The following IRF9 variants were observed in gnomAD, a reference collection of about 807,000 sequenced individuals.
The protein encoded by IRF9 is IFN-alpha-responsive transcription factor subunit.
In IRF9, 13 loss-of-function variants were observed where a neutral mutation model predicts 44.1. The observed-to-expected ratio is 0.29, with a 90% CI of 0.19 to 0.47. IRF9 has a LOEUF of 0.47. Ranked by LOEUF, IRF9 falls within the 20% of genes least tolerant of loss-of-function variation. The pLI, the probability that IRF9 is intolerant of heterozygous loss-of-function variation, is 1.00. For missense variants in IRF9, 373 were observed against 496.1 expected, an observed-to-expected ratio of 0.75 and a Z score of 2.36; for synonymous variants, 189 against 188.5, an observed-to-expected ratio of 1.00 and a Z score of -0.02.
intron 8 of IRF9, 40 bp from the exon 9 acceptor site, chr14:24,166,082 G>T: frequency 1.2e-6 from 2 of 1,603,358 alleles, no homozygotes. Context: ...TGTCCCTGAT[G>T]CACGCACTGA....
In IRF9 at chr14:24,164,572, T is replaced by C. The variant is rs1427558833; in HGVS notation, c.650-42T>C. 6.5e-7 allele frequency: 1 copy of C among 1,529,958 alleles called. No individual in the cohort carries two copies. Among genetic ancestry groups the C allele is most frequent in the African/African-American group, 1.4e-5 (1 of 73,132 alleles). 94.8% of individuals were successfully genotyped at this position (1,529,958 alleles called of 1,614,324 possible). A position where few individuals can be genotyped will look rare whatever the true frequency, so the allele number is the denominator to read the frequency against. On this transcript the variant is annotated intron_variant, in intron 6 of 8. Transcript: ENST00000396864. This position sits in a 1 kb window ranked among gnomAD's most constrained non-coding sequence, Gnocchi z 5.2. ...CCCTGGGGAGGGGCTGCTGCCAGCC[T>C]GCATGCTCCTCCAGCACCAGGTAGG...
chr14:24,163,528 C>T lies in IRF9; in HGVS notation c.495+20C>T, dbSNP rs368392366. ...AATAATGTAAGAGATGGAGAGGGAA[C>T]TGGGTGGGCCTAAGGGCAGGACAGT... On this transcript the variant is annotated intron_variant, in intron 4 of 8. Coordinates refer to ENST00000396864, the MANE Select transcript of IRF9 (RefSeq NM_006084.5). 1 of 1,611,936 alleles carries T rather than the reference C, an allele frequency of 6.2e-7. No homozygotes were observed. Among genetic ancestry groups the T allele is most frequent in the East Asian group, 2.2e-5 (1 of 44,868 alleles).
chr14:24,163,290 GC>G lies in IRF9; in HGVS notation c.365-85del, dbSNP rs2038482651. On this transcript the variant is annotated intron_variant, in intron 3 of 8. Coordinates refer to ENST00000396864, the MANE Select transcript of IRF9 (RefSeq NM_006084.5). Reference sequence around the variant, plus strand: ...AACCCAGGTTTCCCTTCCTAGACCTGCCCATCCTTCACTGCCTCAGACCTCT... The same window carrying G: ...AACCCAGGTTTCCCTTCCTAGACCTGCCATCCTTCACTGCCTCAGACCTCT... 2.6e-6 allele frequency: 4 copies of G among 1,557,474 alleles called. No homozygotes were observed. In the South Asian group the frequency reaches 3.6e-5, roughly 14 times the overall value.
rs796758580 is a variant in IRF9, at chr14:24,166,050, A to G, written c.1108-72A>G. ...GGCAAAGGGGGTCTCCCAGTGGGGA[A>G]GGAGCTCCTGGGGGTGGTGTCTGTC... On this transcript the variant is annotated intron_variant, in intron 8 of 8. Transcript: ENST00000396864. 1.3e-5 allele frequency: 18 copies of G among 1,363,654 alleles called. No homozygotes were observed. In the African/African-American group the frequency reaches 1.6e-4, roughly 12 times the overall value. 84.5% of individuals were successfully genotyped at this position (1,363,654 alleles called of 1,614,324 possible).
Position 24,165,183 on chromosome 14 carries a change from G to A in IRF9, c.991+228G>A, listed in dbSNP as rs753306475. The A allele has an allele frequency of 1.3e-4, 92 of 703,260 alleles. 1 individual carries two copies. Among genetic ancestry groups the A allele is most frequent in the South Asian group, 1.3e-3 (88 of 67,630 alleles). The allele number at this position is 703,260 out of a possible 1,614,324, so 43.6% of individuals were successfully genotyped here. A position where few individuals can be genotyped will look rare whatever the true frequency, so the allele number is the denominator to read the frequency against. ...CCAAGACAATGGAAGAGGTGGTTCA[G>A]GTAGAGCCCAGCACAAGAGTGTCAT... On this transcript the variant is annotated intron_variant, in intron 7 of 8. Transcript: ENST00000396864.
chr14:24,164,896 C>T lies in IRF9; in HGVS notation c.932C>T (p.Pro311Leu), dbSNP rs371047710. The T allele has an allele frequency of 1.9e-5, 31 of 1,612,660 alleles. No individual in the cohort carries two copies. The highest frequency in any genetic ancestry group is 2.2e-5 in the Non-Finnish European group (26 of 1,179,956). ...CCCCAGGCTCCACCTGGGCCAGGCCCGCATCTGCTGCCCAGCAACGAGTGC... is the reference window on the plus strand; with the variant it reads ...CCCCAGGCTCCACCTGGGCCAGGCCTGCATCTGCTGCCCAGCAACGAGTGC... ...NAPQAPPGPG[P>L]HLLPSNECVE... The change falls in exon 7 of 9, where the codon CCG (proline) becomes CTG (leucine). Residue 311 changes from proline (P) to leucine (L), a missense_variant. Around this residue, in one of 2 missense-constraint regions of IRF9, gnomAD observed 146 missense variants for 240.8 expected, o/e 0.61. Coordinates refer to ENST00000396864, the MANE Select transcript of IRF9 (RefSeq NM_006084.5). This position sits in a 1 kb window ranked among gnomAD's most constrained non-coding sequence, Gnocchi z 5.2.
Position 24,165,128 on chromosome 14 carries a change from C to T in IRF9, c.991+173C>T, listed in dbSNP as rs1448638185. 2.2e-5 allele frequency: 16 copies of T among 735,508 alleles called. No individual in the cohort carries two copies. The East Asian group carries it at 4.3e-4, about 20-fold the overall frequency. 45.6% of individuals were successfully genotyped at this position (735,508 alleles called of 1,614,324 possible). ...ATATCCTGTGTGGCCATATGCCCAG[C>T]CTGGCAGCTACCTGGCAGCTCTCCT... On this transcript the variant is annotated intron_variant, in intron 7 of 8. Coordinates refer to ENST00000396864, the MANE Select transcript of IRF9 (RefSeq NM_006084.5).
intron 2 of IRF9, chr14:24,162,688 T>G (rs1377639479): frequency 2.2e-6 from 1 of 448,570 alleles, no homozygotes; most frequent in Non-Finnish European, 4.0e-6. Flanking sequence ...TAGTCCCAGC[T>G]ACTCGGGAGA....
rs10139346 is a variant in IRF9, at chr14:24,162,252, C to T, written c.108C>T (p.Thr36=). ...TGTGCTGGGATGATACAGCTAAGACCATGTTCCGGATTCCCTGGAAACATG... is the reference window on the plus strand; with the variant it reads ...TGTGCTGGGATGATACAGCTAAGACTATGTTCCGGATTCCCTGGAAACATG... The part of the protein sequence containing the change: ...PGVCWDDTAK[T]MFRIPWKHAG... Residue 36 remains threonine (T), a synonymous_variant, in exon 2 of 9, where the codon ACC becomes ACT. Coordinates refer to ENST00000396864, the MANE Select transcript of IRF9 (RefSeq NM_006084.5). 3.0e-3 allele frequency: 4,816 copies of T among 1,614,146 alleles called. 127 individuals are homozygous for T. In the African/African-American group the frequency reaches 0.057, roughly 19 times the overall value.
chr14:24,164,753 C>T lies in IRF9; in HGVS notation c.789C>T (p.Gly263=), dbSNP rs1290490075. 2 of 1,611,760 alleles carry T rather than the reference C, an allele frequency of 1.2e-6. No individual in the cohort carries two copies. Among genetic ancestry groups the T allele is most frequent in the South Asian group, 1.1e-5 (1 of 91,064 alleles). The change falls in exon 7 of 9, where the codon GGC becomes GGT. Residue 263 remains glycine (G), a synonymous_variant. Transcript: ENST00000396864. The surrounding 1 kb of genome is among the most constrained non-coding windows in gnomAD (Gnocchi z 5.2). The part of the protein sequence containing the change: ...SMEQVLFPKP[G]PLEPTQRLLS... Reference sequence around the variant, plus strand: ...AGCAGGTGCTGTTCCCCAAGCCTGGCCCACTGGAGCCCACGCAGCGCCTGC... The same window carrying T: ...AGCAGGTGCTGTTCCCCAAGCCTGGTCCACTGGAGCCCACGCAGCGCCTGC...
At chr14:24,165,618 G>A in intron 7 of IRF9, 1 of 566,022 alleles carries the variant, frequency 1.8e-6, no homozygotes, top group Non-Finnish European at 3.2e-6. Context: ...AGCTTGTCGG[G>A]CTGTGCTGTG....
At position 24,164,066 on chromosome 14, in the gene IRF9, C is replaced by T. The variant is rs1400046248; in HGVS notation, c.581C>T (p.Thr194Ile). 1.2e-6 allele frequency: 2 copies of T among 1,614,138 alleles called. No homozygotes were observed. The highest frequency in any genetic ancestry group is 2.2e-5 in the East Asian group (1 of 44,886). The change falls in exon 6 of 9, where the codon ACA becomes ATA. Residue 194 changes from threonine to isoleucine, a missense_variant. This residue lies in a region of IRF9 where 227 missense variants were observed against 255.3 expected (regional missense o/e 0.89). Transcript: ENST00000396864. The surrounding 1 kb of genome is among the most constrained non-coding windows in gnomAD (Gnocchi z 5.2). ...SSSSPEPQEVTDTTEAPFQGD... is the reference protein window; with the variant it reads ...SSSSPEPQEVIDTTEAPFQGD... ...AGTGCCTTTGCTTCCCTTCCAGTTA[C>T]AGACACAACTGAGGCCCCCTTTCAA...
At position 24,166,143 on chromosome 14, in the gene IRF9, T is replaced by C. The variant is rs756999147; in HGVS notation, c.1129T>C (p.Tyr377His). The C allele has an allele frequency of 3.1e-6, 5 of 1,614,116 alleles. No homozygotes were observed. Among genetic ancestry groups the C allele is most frequent in the Admixed American group, 1.7e-5 (1 of 60,028 alleles). Residue 377 changes from tyrosine (Y) to histidine (H), a missense_variant, in exon 9 of 9, where the codon TAC becomes CAC. Transcript: ENST00000396864. ...ACAGATGGAGCAGGCCTTTGCCCGA[T>C]ACTTGCTGGAGCAGACTCCAGAGCA... ...TVKMEQAFAR[Y>H]LLEQTPEQQA...
Position 24,163,470 on chromosome 14 carries a change from A to G in IRF9, c.457A>G (p.Thr153Ala). ...KEEEDAMQNC[T>A]LSPSVLQDSL... ...GGAAGAGGATGCCATGCAGAACTGC[A>G]CACTCAGTCCCTCTGTGCTCCAGGA... Residue 153 changes from threonine to alanine, a missense_variant, in exon 4 of 9, where the codon ACA (threonine) becomes GCA (alanine). Thr to Ala is a moderately conservative substitution (Grantham distance 58, BLOSUM62 0). Around this residue, in one of 2 missense-constraint regions of IRF9, gnomAD observed 227 missense variants for 255.3 expected, o/e 0.89. Transcript: ENST00000396864. 1.2e-6 allele frequency: 2 copies of G among 1,614,232 alleles called. No individual in the cohort carries two copies. The highest frequency in any genetic ancestry group is 2.2e-5 in the East Asian group (1 of 44,888).
intron 1 of IRF9, among the ~76,000 whole-genome samples, chr14:24,161,856 T>C (rs771988628): frequency 2.6e-5 from 4 of 152,198 alleles, no homozygotes; most frequent in Non-Finnish European, 5.9e-5. Flanking sequence ...TGAAAAGTCC[T>C]AAAATTAAGA....
intron 3 of IRF9, 51 bp from the exon 4 acceptor site, chr14:24,163,327 C>G (rs779027253): frequency 1.3e-6 from 2 of 1,594,838 alleles, no homozygotes; most frequent in South Asian, 2.3e-5. Context: ...CCTTCACCCT[C>G]TGTCCTTGCT....
chr14:24,162,498 G>GT (rs2038471564), intron 2 of IRF9, 174 bp downstream of exon 2: 1 of 682,060 alleles, frequency 1.5e-6, no homozygotes, highest in Non-Finnish European at 2.3e-6. Flanking sequence ...TGGAGGCCTT[G>GT]TTCAAAAATT....
At chr14:24,162,916 A>C (rs1566619832) in intron 2 of IRF9, 50 bp from the exon 3 acceptor site, 1 of 1,497,570 alleles carries the variant, frequency 6.7e-7, no homozygotes, top group East Asian at 2.3e-5. Context: ...TTGGAGGGGC[A>C]GGTGGAGCCT....
chr14:24,164,893 G>A lies in IRF9; in HGVS notation c.929G>A (p.Gly310Asp), dbSNP rs935057971. The A allele has an allele frequency of 1.9e-6, 3 of 1,612,460 alleles. No individual in the cohort carries two copies. Among genetic ancestry groups the A allele is most frequent in the Non-Finnish European group, 2.5e-6 (3 of 1,179,960 alleles). Reference sequence around the variant, plus strand: ...GCACCCCAGGCTCCACCTGGGCCAGGCCCGCATCTGCTGCCCAGCAACGAG... The same window carrying A: ...GCACCCCAGGCTCCACCTGGGCCAGACCCGCATCTGCTGCCCAGCAACGAG... ...WNAPQAPPGPGPHLLPSNECV... is the reference protein window; with the variant it reads ...WNAPQAPPGPDPHLLPSNECV... Residue 310 changes from glycine (G) to aspartate (D), a missense_variant, in exon 7 of 9, where the codon GGC (glycine) becomes GAC (aspartate). Physicochemically the swap from Gly to Asp is moderately conservative, Grantham distance 94 (BLOSUM62 -1). This residue lies in a region of IRF9 where 146 missense variants were observed against 240.8 expected (regional missense o/e 0.61). Transcript: ENST00000396864. The surrounding 1 kb of genome is among the most constrained non-coding windows in gnomAD (Gnocchi z 5.2).
Sources: gnomAD v4.1 joint callset for allele counts (sites outside exome capture counted in the v4.1 genomes callset) on GRCh38, gnomAD v4.1.1 for gene constraint, gnomAD v4.1.1 regional missense constraint, Gnocchi (gnomAD v3.1) non-coding constraint, MANE v1.5 for transcripts, NCBI Gene and HGNC (gene_info 2026-07-23, HGNC 2026-07-21) for gene names.